FNDC3A: variants seen among roughly 807,000 people sequenced by gnomAD.
The protein encoded by FNDC3A is fibronectin type III domain containing 3A, also known as fibronectin type-III domain-containing protein 3A.
A neutral mutation model predicts 148.9 loss-of-function variants in FNDC3A; 32 were observed. The observed-to-expected ratio is 0.21, with a 90% CI of 0.16 to 0.29. The LOEUF is 0.29. Among genes scored for constraint, FNDC3A ranks in the 10% least tolerant of loss-of-function variants. The pLI, the probability that FNDC3A is intolerant of heterozygous loss-of-function variation, is 1.00. For synonymous variants in FNDC3A, 472 were observed against 473.6 expected, an observed-to-expected ratio of 1.00 and a Z score of 0.04; for missense variants, 1,191 against 1,452.8, an observed-to-expected ratio of 0.82 and a Z score of 2.93.
chr13:49,080,339 T>C (rs1444302401), intron 3 of FNDC3A, among the ~76,000 whole-genome samples: 1 of 152,160 alleles, frequency 6.6e-6, no homozygotes, highest in African/African-American at 2.4e-5. Context: ...ATTTTGGTCA[T>C]TGGTTAGATC....
Position 49,198,366 on chromosome 13 carries a change from C to T in FNDC3A, c.2779C>T (p.Arg927Ter). The T allele has an allele frequency of 1.2e-6, 2 of 1,613,884 alleles. No individual in the cohort carries two copies. Among genetic ancestry groups the T allele is most frequent in the East Asian group, 2.2e-5 (1 of 44,872 alleles). The change falls in exon 23 of 26, where the codon CGA becomes TGA. Residue 927 changes from arginine to a stop codon, truncating the protein, a stop_gained. Transcript: ENST00000492622. LOFTEE classifies it high-confidence loss of function. ...NLQPDTTYRI[R>*]IQALNSLGAG... ...TTTTTCTTATGTGGCACTTAGAATA[C>T]GAATTCAAGCCTTGAATAGCCTTGG...
At chr13:49,023,905 C>T (rs377715661) in intron 2 of FNDC3A, among the ~76,000 whole-genome samples, 16 of 151,768 alleles carry the variant, frequency 1.1e-4, no homozygotes, top group Admixed American at 2.6e-4. Context: ...CAACTCATAA[C>T]GTTCTCCTTT....
At chr13:49,019,539 G>A (rs537477912) in intron 2 of FNDC3A, among the ~76,000 whole-genome samples, 261 of 152,268 alleles carry the variant, frequency 1.7e-3, no homozygotes, top group African/African-American at 6.1e-3. Flanking sequence ...TACCTCAGAT[G>A]GAAATGCAGA....
intron 2 of FNDC3A, among the ~76,000 whole-genome samples, chr13:49,013,535 T>TACATGTACATGCGTATACATATGTAC (rs1952409525): frequency 6.6e-6 from 1 of 151,454 alleles, no homozygotes; most frequent in Admixed American, 6.6e-5. Context: ...TACATGTATA[T>TACATGTACATGCGTATACATATGTAC]ACGTGTACAT....
chr13:49,010,658 T>C (rs990665465), intron 2 of FNDC3A, among the ~76,000 whole-genome samples: 17 of 152,220 alleles, frequency 1.1e-4, no homozygotes, highest in Non-Finnish European at 2.4e-4. Context: ...AGCATATGAT[T>C]ATAAGGCATA....
chr13:49,054,558 G>A (rs1359878331), intron 2 of FNDC3A, among the ~76,000 whole-genome samples: 2 of 152,220 alleles, frequency 1.3e-5, no homozygotes, highest in Non-Finnish European at 2.9e-5. Context: ...TTCTCATAGT[G>A]CATATTTCTG....
At chr13:49,073,285 ATTAAAAACAC>A (rs1380401267) in intron 2 of FNDC3A, among the ~76,000 whole-genome samples, 1 of 152,332 alleles carries the variant, frequency 6.6e-6, no homozygotes, top group South Asian at 2.1e-4. Context: ...CATACAAATC[ATTAAAAACAC>A]TTAAAAACCC....
chr13:49,136,602 G>T lies in FNDC3A; in HGVS notation c.760+1G>T. 1 of 1,610,974 alleles carries T rather than the reference G, an allele frequency of 6.2e-7. No homozygotes were observed. Among genetic ancestry groups the T allele is most frequent in the Non-Finnish European group, 8.5e-7 (1 of 1,177,566 alleles). On this transcript the variant is annotated splice_donor_variant, in intron 6 of 25. Transcript: ENST00000492622. LOFTEE classifies it high-confidence loss of function. Reference sequence around the variant, plus strand: ...ACACAAGTTGATACAGAAATTGAAGGTAACTGTTTGAAGTACTGAACTGTT... The same window carrying T: ...ACACAAGTTGATACAGAAATTGAAGTTAACTGTTTGAAGTACTGAACTGTT...
rs535444812 is a variant in FNDC3A at position 49,138,969 on chromosome 13, T to C, written c.819+164T>C. ...CACTATGGTATGCTTTAGCTATCTTTCTATGTCATTACCTGATTCTTTGAA... is the reference window on the plus strand; with the variant it reads ...CACTATGGTATGCTTTAGCTATCTTCCTATGTCATTACCTGATTCTTTGAA... On this transcript the variant is annotated intron_variant, in intron 7 of 25. Transcript: ENST00000492622. 5.9e-5 allele frequency among the ~76,000 whole-genome samples: 9 copies of C among 152,356 alleles called. No individual in the cohort carries two copies. In the South Asian group the frequency reaches 1.9e-3, roughly 32 times the overall value.
intron 2 of FNDC3A, among the ~76,000 whole-genome samples, chr13:49,061,144 CTG>C (rs779334135): frequency 1.3e-5 from 2 of 151,752 alleles, no homozygotes; most frequent in African/African-American, 4.8e-5. Context: ...AGATCTCACT[CTG>C]TCACTCAGGC....
chr13:49,002,338 A>G (rs9526512), intron 1 of FNDC3A, among the ~76,000 whole-genome samples: 3,798 of 152,166 alleles, frequency 0.025, 66 homozygotes, highest in Non-Finnish European at 0.037. Context: ...TATTTCTTCT[A>G]GTATTAGTTT....
chr13:49,110,030 A>G (rs1880442356), intron 3 of FNDC3A, among the ~76,000 whole-genome samples: 1 of 152,216 alleles, frequency 6.6e-6, no homozygotes, highest in South Asian at 2.1e-4. Context: ...GTGTTATTGA[A>G]CACAAAGAGA....
In FNDC3A at chr13:49,033,468, A is replaced by G. The variant is rs1424729088; in HGVS notation, c.99+27179A>G. On this transcript the variant is annotated intron_variant, in intron 2 of 25. Coordinates refer to ENST00000492622, the MANE Select transcript of FNDC3A (RefSeq NM_001079673.2). ...TAAAATGACATAAGATGCCACCAGAATAGAGTTTGTAAAGGGTGACTTGGT... is the reference window on the plus strand; with the variant it reads ...TAAAATGACATAAGATGCCACCAGAGTAGAGTTTGTAAAGGGTGACTTGGT... Among the ~76,000 whole-genome samples, 4 of 152,132 alleles carry G rather than the reference A, an allele frequency of 2.6e-5. No individual in the cohort carries two copies. The South Asian group carries it at 8.3e-4, about 32-fold the overall frequency.
chr13:49,113,485 C>T lies in FNDC3A; in HGVS notation c.176-1170C>T, dbSNP rs144817184. ...GGCTGTAATCCGGATTTGTTGTGAC[C>T]TCCATGTCCTTTATTCTGATTTTCT... On this transcript the variant is annotated intron_variant, in intron 3 of 25. Transcript: ENST00000492622. Among the ~76,000 whole-genome samples the T allele has an allele frequency of 4.9e-3, 744 of 152,134 alleles. 12 individuals are homozygous for T. The highest frequency in any genetic ancestry group is 0.017 in the African/African-American group (723 of 41,492).
intron 2 of FNDC3A, among the ~76,000 whole-genome samples, chr13:49,071,567 A>G (rs118112762): frequency 0.029 from 4,372 of 152,248 alleles, 112 homozygotes; most frequent in Middle Eastern, 0.065. Flanking sequence ...TGTAATAGCC[A>G]TTCTGACTGG....
chr13:49,122,882 G>A (rs147911832), intron 4 of FNDC3A, among the ~76,000 whole-genome samples: 103 of 152,134 alleles, frequency 6.8e-4, no homozygotes, highest in African/African-American at 2.0e-3. Flanking sequence ...TTCCATGCTC[G>A]TGGATAGGAA....
At chr13:49,147,021 G>A (rs1883034518) in intron 8 of FNDC3A, among the ~76,000 whole-genome samples, 1 of 152,124 alleles carries the variant, frequency 6.6e-6, no homozygotes, top group African/African-American at 2.4e-5. Context: ...CTGGCAAGGA[G>A]AAGAAAGGAA....
intron 3 of FNDC3A, among the ~76,000 whole-genome samples, chr13:49,095,913 G>A (rs546749759): frequency 6.6e-6 from 1 of 152,100 alleles, no homozygotes; most frequent in South Asian, 2.1e-4. Context: ...AATGTTCTAG[G>A]AAACAGAAAA....
chr13:49,041,544 C>G (rs1264152057), intron 2 of FNDC3A, among the ~76,000 whole-genome samples: 1 of 152,202 alleles, frequency 6.6e-6, no homozygotes, highest in African/African-American at 2.4e-5. Flanking sequence ...GGCACAGTGG[C>G]TCACGCCTGT....
Sources: gnomAD v4.1 joint callset for allele counts (sites outside exome capture counted in the v4.1 genomes callset) on GRCh38, gnomAD v4.1.1 for gene constraint, MANE v1.5 for transcripts, NCBI Gene and HGNC (gene_info 2026-07-23, HGNC 2026-07-21) for gene names.